The following LRRC4C variants were observed in gnomAD, a reference collection of about 807,000 sequenced individuals.
LRRC4C encodes the protein leucine-rich repeat-containing protein 4C.
A neutral mutation model predicts 33.6 loss-of-function variants in LRRC4C; 5 were observed. That is an observed-to-expected ratio of 0.15 (90% confidence interval 0.08 to 0.31). The LOEUF is 0.31. Among genes scored for constraint, LRRC4C ranks in the 10% least tolerant of loss-of-function variants. The probability of loss-of-function intolerance (pLI) is 1.00; values close to 1 mark genes in which losing one functional copy is unlikely to be tolerated. For synonymous variants in LRRC4C, 329 were observed against 302.0 expected (o/e 1.09, Z -0.93); for missense variants, 560 against 796.7 (o/e 0.70, Z 3.58).
At chr11:40,255,043 C>T (rs1313060559) in intron 4 of LRRC4C, among the ~76,000 whole-genome samples, 1 of 152,090 alleles carries the variant, frequency 6.6e-6, no homozygotes, top group Non-Finnish European at 1.5e-5. Context: ...AACTCCTGAC[C>T]TCCCACCATG....
rs1043668895 is a variant in LRRC4C, at chr11:41,346,593, A to G, written c.-496+112838T>C. 2.0e-5 allele frequency among the ~76,000 whole-genome samples: 3 copies of G among 152,222 alleles called. No homozygotes were observed. The East Asian group carries it at 5.8e-4, about 29-fold the overall frequency. ...CTATTGTAAACATGTTTTTCAGAGT[A>G]CTAATTGTATAAGATATCCTAGAAG... is the stretch of plus-strand genomic sequence containing the variant. On this transcript the variant is annotated intron_variant, in intron 1 of 6. Coordinates refer to ENST00000528697, the MANE Select transcript of LRRC4C (RefSeq NM_001258419.2).
intron 1 of LRRC4C, among the ~76,000 whole-genome samples, chr11:41,245,696 TAGCCCTGCTTGTGTTTTTC>T (rs539808759): frequency 4.5e-4 from 69 of 152,344 alleles, no homozygotes; most frequent in African/African-American, 1.5e-3. Context: ...GAGAGTGTTT[TAGCCCTGCTTGTGTTTTTC>T]AGCCATGCCA....
Position 41,398,246 on chromosome 11 carries a change from C to T in LRRC4C, c.-496+61185G>A, listed in dbSNP as rs938206349. Among the ~76,000 whole-genome samples the T allele has an allele frequency of 2.6e-5, 4 of 151,926 alleles. No individual in the cohort carries two copies. In the East Asian group the frequency reaches 5.8e-4, roughly 22 times the overall value. On this transcript the variant is annotated intron_variant, in intron 1 of 6. Coordinates refer to ENST00000528697, the MANE Select transcript of LRRC4C (RefSeq NM_001258419.2). ...GTCTTGGCCCAGATTCTCAAAGCCA[C>T]CCAAACAGCATTTTGCACACTTTTT...
chr11:40,122,519 G>C (rs72885379), intron 6 of LRRC4C, among the ~76,000 whole-genome samples: 4,481 of 152,052 alleles, frequency 0.029, 91 homozygotes, highest in Middle Eastern at 0.037. Flanking sequence ...TTGGTTTTCT[G>C]TTCCTATGTC....
At chr11:40,186,942 C>T (rs778725200) in intron 5 of LRRC4C, among the ~76,000 whole-genome samples, 14 of 152,244 alleles carry the variant, frequency 9.2e-5, no homozygotes, top group Non-Finnish European at 1.6e-4. Flanking sequence ...AGGATGCCCT[C>T]GGTGGCTTGA....
At chr11:41,016,878 T>G (rs1402279342) in intron 1 of LRRC4C, among the ~76,000 whole-genome samples, 1 of 152,198 alleles carries the variant, frequency 6.6e-6, no homozygotes, top group Non-Finnish European at 1.5e-5. Flanking sequence ...CATCATTAGG[T>G]GCCATTTAAT....
intron 1 of LRRC4C, among the ~76,000 whole-genome samples, chr11:41,082,200 G>A (rs1323489961): frequency 1.3e-5 from 2 of 152,134 alleles, no homozygotes; most frequent in African/African-American, 4.8e-5. Flanking sequence ...ACAAATACAT[G>A]AAGTGGAATC....
chr11:40,517,730 C>A (rs965894482), intron 3 of LRRC4C, among the ~76,000 whole-genome samples: 6 of 137,400 alleles, frequency 4.4e-5, no homozygotes, highest in African/African-American at 1.3e-4. Context: ...TGACTTTCTT[C>A]ACAGAATTGG....
intron 6 of LRRC4C, among the ~76,000 whole-genome samples, chr11:40,135,949 T>C (rs1220967499): frequency 6.6e-6 from 1 of 152,190 alleles, no homozygotes; most frequent in Non-Finnish European, 1.5e-5. Flanking sequence ...CATTCCTCAA[T>C]CCCATTTTTT....
intron 2 of LRRC4C, among the ~76,000 whole-genome samples, chr11:40,810,685 C>T (rs1020195453): frequency 8.5e-5 from 13 of 152,090 alleles, no homozygotes; most frequent in African/African-American, 2.7e-4. Context: ...AGGGCTTGCA[C>T]CAAATACTTA....
intron 1 of LRRC4C, among the ~76,000 whole-genome samples, chr11:41,273,436 T>C (rs1200372863): frequency 6.6e-6 from 1 of 152,130 alleles, no homozygotes; most frequent in East Asian, 1.9e-4. Context: ...AGTCTAACCA[T>C]TTGCATCAAC....
intron 1 of LRRC4C, among the ~76,000 whole-genome samples, chr11:41,247,762 C>T (rs916340432): frequency 5.9e-5 from 9 of 152,326 alleles, no homozygotes; most frequent in Non-Finnish European, 1.3e-4. Context: ...AATTCTCTGG[C>T]ATATGCTATC....
At chr11:41,145,208 T>C (rs1024108453) in intron 1 of LRRC4C, among the ~76,000 whole-genome samples, 1 of 152,184 alleles carries the variant, frequency 6.6e-6, no homozygotes, top group Admixed American at 6.5e-5. Context: ...CACAAACTTA[T>C]ACACTTTTGT....
At chr11:40,348,961 G>A (rs1947259250) in intron 3 of LRRC4C, among the ~76,000 whole-genome samples, 1 of 152,050 alleles carries the variant, frequency 6.6e-6, no homozygotes, top group South Asian at 2.1e-4. Flanking sequence ...TACATAGTAG[G>A]TGTATATATT....
intron 1 of LRRC4C, among the ~76,000 whole-genome samples, chr11:40,977,624 A>T (rs541283903): frequency 2.0e-5 from 3 of 152,150 alleles, no homozygotes; most frequent in African/African-American, 4.8e-5. Flanking sequence ...TTAAGATCCA[A>T]GGAGAAAATG....
chr11:40,894,346 C>A (rs899562050), intron 2 of LRRC4C, among the ~76,000 whole-genome samples: 7 of 152,062 alleles, frequency 4.6e-5, no homozygotes, highest in African/African-American at 1.4e-4. Flanking sequence ...GGAAAGACTT[C>A]CATTTTTCCA....
chr11:40,998,718 G>A (rs184675115), intron 1 of LRRC4C, among the ~76,000 whole-genome samples: 6 of 152,188 alleles, frequency 3.9e-5, no homozygotes, highest in Non-Finnish European at 7.4e-5. Context: ...TTGCTCCACT[G>A]ACTAGCTCCC....
intron 3 of LRRC4C, among the ~76,000 whole-genome samples, chr11:40,596,766 C>A (rs532236195): frequency 6.6e-6 from 1 of 152,226 alleles, no homozygotes; most frequent in South Asian, 2.1e-4. Context: ...CCAGTTTTAT[C>A]CATGTGGTTG....
chr11:40,464,733 C>T (rs998735876), intron 3 of LRRC4C, among the ~76,000 whole-genome samples: 1 of 151,626 alleles, frequency 6.6e-6, no homozygotes, highest in Non-Finnish European at 1.5e-5. Flanking sequence ...ATAATAGCTA[C>T]CAGTAAACAA....
Sources: allele counts gnomAD v4.1 joint callset (sites outside exome capture counted in the v4.1 genomes callset), GRCh38; gene constraint gnomAD v4.1.1; transcripts MANE v1.5; gene names NCBI Gene and HGNC (gene_info 2026-07-23, HGNC 2026-07-21).